Variants in OR56A3 observed in about 807,000 individuals in gnomAD.
OR56A3 encodes olfactory receptor family 56 subfamily A member 3.
In OR56A3, 23 loss-of-function variants were observed where a neutral mutation model predicts 17.5. The observed-to-expected ratio is 1.32, with a 90% CI of 0.95 to 1.87. The LOEUF (loss-of-function observed/expected upper bound fraction) is 1.87. Among genes scored for constraint, OR56A3 ranks in the 40% most tolerant of loss-of-function variants. The probability of loss-of-function intolerance (pLI) is 0.00; values close to 1 mark genes in which losing one functional copy is unlikely to be tolerated. For synonymous variants in OR56A3, 175 were observed against 150.6 expected, an observed-to-expected ratio of 1.16 and a Z score of -1.19; for missense variants, 366 against 380.1, an observed-to-expected ratio of 0.96 and a Z score of 0.31.
chr11:5,992,375 G>A, the OR56A3 span, among the ~76,000 whole-genome samples: 1 of 152,122 alleles, frequency 6.6e-6, no homozygotes. Flanking sequence ...ACACTGAAGA[G>A]TCATCCTAGC....
At chr11:6,007,533 CTA>C in the OR56A3 span, among the ~76,000 whole-genome samples, 3 of 151,678 alleles carry the variant, frequency 2.0e-5, no homozygotes, top group East Asian at 3.9e-4. Context: ...GTGATGCACT[CTA>C]TGTGTATCAA....
chr11:5,986,796 A>G, the OR56A3 span: 14 of 1,613,940 alleles, frequency 8.7e-6, no homozygotes, highest in South Asian at 6.6e-5. Context: ...GGGGCAGTGC[A>G]ATCCAGTGCT....
At chr11:5,961,980 G>A in the OR56A3 span, among the ~76,000 whole-genome samples, 16 of 152,154 alleles carry the variant, frequency 1.1e-4, no homozygotes, top group South Asian at 8.3e-4. Flanking sequence ...TCCAGATCTC[G>A]GAGAAAAAGC....
chr11:5,994,856 T>C, the OR56A3 span: 1 of 761,922 alleles, frequency 1.3e-6, no homozygotes, highest in Non-Finnish European at 2.4e-6. Context: ...GTTCTCAGTC[T>C]CCAGGCTCCT....
At chr11:5,981,744 G>A in the OR56A3 span, among the ~76,000 whole-genome samples, 1 of 152,148 alleles carries the variant, frequency 6.6e-6, no homozygotes, top group African/African-American at 2.4e-5. Context: ...CTGTCTTTTT[G>A]AGTTGACAGA....
the OR56A3 span, chr11:6,002,649 G>C: frequency 6.2e-7 from 1 of 1,614,236 alleles, no homozygotes. Flanking sequence ...GAACGTGCAG[G>C]ACTCCATGGT....
At chr11:6,002,409 A>G in the OR56A3 span, 2 of 1,614,258 alleles carry the variant, frequency 1.2e-6, no homozygotes, top group Admixed American at 1.7e-5. Flanking sequence ...ATTGAAAGTG[A>G]TGTCATCACA....
chr11:5,942,258 C>T lies in OR56A3; in HGVS notation c.-430C>T, dbSNP rs1344150036. ...TTAATGGTGGCTATACAAAGATTAG[C>T]CAGAAGACTAGAGAGATCTCTGTCT... On this transcript the variant is annotated 5_prime_UTR_variant, in exon 1 of 3. Coordinates refer to ENST00000641160, the MANE Select transcript of OR56A3 (RefSeq NM_001003443.3). 1 of 152,154 alleles carries T rather than the reference C, an allele frequency of 6.6e-6. No individual in the cohort carries two copies. Among genetic ancestry groups the T allele is most frequent in the Admixed American group, 6.5e-5 (1 of 15,278 alleles). 9.4% of individuals were successfully genotyped at this position (152,154 alleles called of 1,614,324 possible).
chr11:5,986,301 G>C, the OR56A3 span: 1 of 1,613,864 alleles, frequency 6.2e-7, no homozygotes, highest in African/African-American at 1.3e-5. Flanking sequence ...GATTGACTGT[G>C]GTTTCTGAGC....
chr11:5,986,148 A>G, the OR56A3 span: 1 of 1,613,976 alleles, frequency 6.2e-7, no homozygotes, highest in East Asian at 2.2e-5. Context: ...CACAAATATG[A>G]GAGCCACATG....
the OR56A3 span, chr11:5,968,278 C>G: frequency 6.2e-7 from 1 of 1,612,830 alleles, no homozygotes; most frequent in East Asian, 2.2e-5. Flanking sequence ...AGTACGATGT[C>G]CAGCAGGGAG....
downstream of OR56A3, among the ~76,000 whole-genome samples, chr11:5,954,974 C>T (rs1164782140): frequency 1.3e-5 from 2 of 152,142 alleles, no homozygotes; most frequent in African/African-American, 2.4e-5. Context: ...AAAGGGGTAC[C>T]ATTTAGTCTT....
intron 2 of OR56A3, 92 bp from the exon 3 acceptor site, chr11:5,947,219 G>T: frequency 5.8e-6 from 5 of 855,114 alleles, no homozygotes; most frequent in Non-Finnish European, 8.9e-6. Flanking sequence ...TACATAACCT[G>T]CTAGAAACCA....
chr11:5,968,605 A>G, the OR56A3 span: 2 of 841,544 alleles, frequency 2.4e-6, no homozygotes, highest in Non-Finnish European at 3.7e-6. Flanking sequence ...TTTCTAATTT[A>G]TAAAATGTAT....
chr11:5,986,177 G>A, the OR56A3 span: 36 of 1,613,738 alleles, frequency 2.2e-5, no homozygotes, highest in Middle Eastern at 1.7e-4. Context: ...GCCTTAAGTC[G>A]GGCCTCACTC....
the OR56A3 span, chr11:6,003,205 A>G: frequency 9.1e-7 from 1 of 1,092,940 alleles, no homozygotes; most frequent in Non-Finnish European, 1.3e-6. Context: ...TTTTATATTC[A>G]TTATCTCATT....
At chr11:6,019,000 A>G in the OR56A3 span, among the ~76,000 whole-genome samples, 2 of 152,066 alleles carry the variant, frequency 1.3e-5, no homozygotes, top group Non-Finnish European at 2.9e-5. Flanking sequence ...TGAAAATACC[A>G]CTAGTGAGTA....
chr11:5,960,843 A>G, the OR56A3 span, among the ~76,000 whole-genome samples: 87 of 148,738 alleles, frequency 5.8e-4, 1 homozygote, highest in African/African-American at 2.1e-3. Flanking sequence ...GCTGCCCATC[A>G]TCTGGGATGT....
chr11:6,007,137 G>A, the OR56A3 span, among the ~76,000 whole-genome samples: 1 of 152,226 alleles, frequency 6.6e-6, no homozygotes. Flanking sequence ...GAGGGTGAAA[G>A]AGTTCAAAGG....
Sources: gnomAD v4.1 joint callset for allele counts (sites outside exome capture counted in the v4.1 genomes callset) on GRCh38, gnomAD v4.1.1 for gene constraint, MANE v1.5 for transcripts, NCBI Gene and HGNC (gene_info 2026-07-23, HGNC 2026-07-21) for gene names.